The following SCN7A variants were observed in gnomAD, a reference collection of about 807,000 sequenced individuals.
SCN7A encodes the protein sodium channel protein type 7 subunit alpha.
In SCN7A, 138 loss-of-function variants were observed where a neutral mutation model predicts 155.2. That is an observed-to-expected ratio of 0.89 (90% CI 0.77 to 1.02). The LOEUF (loss-of-function observed/expected upper bound fraction) is 1.02, where lower values mean the gene tolerates loss of function less well. SCN7A is among the 50% of genes least tolerant of loss of function. The probability of loss-of-function intolerance (pLI) is 0.00; values close to 1 mark genes in which losing one functional copy is unlikely to be tolerated. For missense variants in SCN7A, 2,058 were observed against 1,986.6 expected, an observed-to-expected ratio of 1.04 and a Z score of -0.68; for synonymous variants, 693 against 649.0, an observed-to-expected ratio of 1.07 and a Z score of -1.03.
At position 166,447,682 on chromosome 2, in the gene SCN7A, C is replaced by G. The variant is rs773268721; in HGVS notation, c.1317G>C (p.Lys439Asn). The change falls in exon 12 of 26, where the codon AAG (lysine) becomes AAC (asparagine). Residue 439 changes from lysine (K) to asparagine (N), a missense_variant. Coordinates refer to ENST00000643258, the MANE Select transcript of SCN7A (RefSeq NM_002976.4). ...DEAKTIQIEM[K>N]KRSPISTDTS... ...TGTCTGTGGAAATTGGTGACCTTTTCTTCATTTCTATTTGTATGGTCTTGG... is the reference window on the plus strand; with the variant it reads ...TGTCTGTGGAAATTGGTGACCTTTTGTTCATTTCTATTTGTATGGTCTTGG... 71 of 1,612,838 alleles carry G rather than the reference C, an allele frequency of 4.4e-5. No individual in the cohort carries two copies. Among genetic ancestry groups the G allele is most frequent in the Non-Finnish European group, 5.3e-5 (63 of 1,179,280 alleles).
chr2:166,426,765 T>C (rs1429384572), intron 18 of SCN7A, among the ~76,000 whole-genome samples: 1 of 152,072 alleles, frequency 6.6e-6, no homozygotes, highest in East Asian at 1.9e-4. Context: ...GTAAATGTTC[T>C]GTTTCTCAAT....
chr2:166,408,106 G>C (rs867865250), intron 25 of SCN7A, among the ~76,000 whole-genome samples: 1 of 151,664 alleles, frequency 6.6e-6, no homozygotes, highest in South Asian at 2.1e-4. Flanking sequence ...CCTCAGGTTA[G>C]AAAGAAAAAA....
At chr2:166,471,727 G>A (rs902552923) in intron 6 of SCN7A, among the ~76,000 whole-genome samples, 5 of 25,680 alleles carry the variant, frequency 1.9e-4, no homozygotes, top group Admixed American at 3.6e-4. Flanking sequence ...AGAAAATGTG[G>A]GGGGGGGGGT....
chr2:166,481,126 A>G lies in SCN7A; in HGVS notation c.-14-3416T>C, dbSNP rs114575294. On this transcript the variant is annotated intron_variant, in intron 2 of 25. Transcript: ENST00000643258. The stretch of plus-strand genomic sequence containing the variant: ...ATCAACAATTTAGGTTGTGATAGAG[A>G]AACAACCTAGTAGAAACAAATAAAA... 5.9e-3 allele frequency among the ~76,000 whole-genome samples: 896 copies of G among 152,288 alleles called. 9 individuals are homozygous for G. Among genetic ancestry groups the G allele is most frequent in the African/African-American group, 0.02 (849 of 41,562 alleles).
At chr2:166,482,169 C>A (rs1192481275) in intron 2 of SCN7A, among the ~76,000 whole-genome samples, 2 of 152,084 alleles carry the variant, frequency 1.3e-5, no homozygotes, top group Non-Finnish European at 2.9e-5. Flanking sequence ...TAAAACTATG[C>A]AGCATTGAAT....
At chr2:166,424,456 G>T (rs531890591) in intron 18 of SCN7A, among the ~76,000 whole-genome samples, 8 of 152,054 alleles carry the variant, frequency 5.3e-5, no homozygotes, top group Non-Finnish European at 8.8e-5. Context: ...ACAAAGAGCA[G>T]ATGGGCCCTA....
intron 11 of SCN7A, among the ~76,000 whole-genome samples, chr2:166,454,598 G>T (rs1179546739): frequency 2.6e-5 from 4 of 152,106 alleles, no homozygotes; most frequent in African/African-American, 4.8e-5. Flanking sequence ...TCCACTTCGT[G>T]GCAGAGTGTA....
chr2:166,463,955 C>T (rs546568774), intron 9 of SCN7A, among the ~76,000 whole-genome samples: 6 of 152,036 alleles, frequency 3.9e-5, no homozygotes, highest in Non-Finnish European at 8.8e-5. Context: ...ACTTGAGAGG[C>T]AGAGGCACTA....
At chr2:166,485,136 G>A (rs553590117) in intron 2 of SCN7A, among the ~76,000 whole-genome samples, 1 of 152,130 alleles carries the variant, frequency 6.6e-6, no homozygotes, top group South Asian at 2.1e-4. Flanking sequence ...AGTCTGACAT[G>A]AAAGATTACA....
chr2:166,434,512 TAAAG>T (rs1468722948), intron 15 of SCN7A, among the ~76,000 whole-genome samples: 3 of 152,076 alleles, frequency 2.0e-5, no homozygotes, highest in African/African-American at 7.2e-5. Context: ...GCTTCAGAAA[TAAAG>T]AAATAAAGCA....
At chr2:166,410,796 T>C (rs778453478) in intron 23 of SCN7A, among the ~76,000 whole-genome samples, 5 of 152,032 alleles carry the variant, frequency 3.3e-5, no homozygotes, top group African/African-American at 4.8e-5. Context: ...TTTTTACTAT[T>C]ATTCCAAAAG....
chr2:166,458,909 C>A (rs1312768256), intron 10 of SCN7A, among the ~76,000 whole-genome samples: 3 of 152,088 alleles, frequency 2.0e-5, no homozygotes, highest in Non-Finnish European at 4.4e-5. Context: ...ATTTACATAG[C>A]ATTTACATTG....
chr2:166,484,827 A>T (rs1326089609), intron 2 of SCN7A, among the ~76,000 whole-genome samples: 1 of 152,022 alleles, frequency 6.6e-6, no homozygotes, highest in Non-Finnish European at 1.5e-5. Flanking sequence ...AGAATTCTAC[A>T]TACAGCAAAA....
At chr2:166,462,675 G>T in intron 9 of SCN7A, 145 bp from the exon 10 acceptor site, 1 of 668,590 alleles carries the variant, frequency 1.5e-6, no homozygotes, top group Non-Finnish European at 2.4e-6. Flanking sequence ...ACAATTGCTT[G>T]CTAAAAAGTC....
At chr2:166,436,104 T>G (rs1410871331) in intron 15 of SCN7A, among the ~76,000 whole-genome samples, 1 of 152,190 alleles carries the variant, frequency 6.6e-6, no homozygotes, top group African/African-American at 2.4e-5. Context: ...CCATTAAGTA[T>G]GGTCAGGTTC....
chr2:166,417,153 T>G (rs906709803), intron 20 of SCN7A, among the ~76,000 whole-genome samples, 168 bp from the exon 21 acceptor site: 6 of 152,140 alleles, frequency 3.9e-5, no homozygotes, highest in African/African-American at 1.4e-4. Flanking sequence ...ATAACCTAAA[T>G]AGCAATTCAA....
chr2:166,467,481 A>G (rs943253482), intron 7 of SCN7A, among the ~76,000 whole-genome samples: 1 of 121,516 alleles, frequency 8.2e-6, no homozygotes, highest in Non-Finnish European at 1.7e-5. Flanking sequence ...GTTTTTATAT[A>G]TGTTTATATA....
chr2:166,479,344 A>G (rs1477104996), intron 2 of SCN7A, among the ~76,000 whole-genome samples: 2 of 152,220 alleles, frequency 1.3e-5, no homozygotes, highest in East Asian at 1.9e-4. Context: ...AACTGCTAGC[A>G]TAAGTAAATG....
At chr2:166,444,242 A>G (rs1702016127) in intron 13 of SCN7A, among the ~76,000 whole-genome samples, 1 of 152,224 alleles carries the variant, frequency 6.6e-6, no homozygotes. Flanking sequence ...ACTCACAGGA[A>G]TATGTTTTGT....
Sources: allele counts gnomAD v4.1 joint callset (sites outside exome capture counted in the v4.1 genomes callset), GRCh38; gene constraint gnomAD v4.1.1; transcripts MANE v1.5; gene names NCBI Gene and HGNC (gene_info 2026-07-23, HGNC 2026-07-21).